Variants in MYH1 observed in about 807,000 individuals in gnomAD.
The protein encoded by MYH1 is myosin heavy chain 1.
Under a neutral mutation model 225.6 loss-of-function variants are expected in MYH1, and 214 were observed. That is an observed-to-expected ratio of 0.95 (90% CI 0.85 to 1.06). MYH1 has a LOEUF of 1.06. MYH1 is among the 50% of genes least tolerant of loss of function. The probability of loss-of-function intolerance (pLI) is 0.00; values close to 1 mark genes in which losing one functional copy is unlikely to be tolerated. For missense variants in MYH1, 2,098 were observed against 2,344.2 expected (o/e 0.89, Z 2.17); for synonymous variants, 774 against 842.3 (o/e 0.92, Z 1.40).
At chr17:10,513,292 G>T (rs989266822) in intron 9 of MYH1, among the ~76,000 whole-genome samples, 2 of 152,106 alleles carry the variant, frequency 1.3e-5, no homozygotes, top group Admixed American at 1.3e-4. Context: ...CAGTATTAAA[G>T]CTCAGACTAG....
At chr17:10,510,129 A>G (rs1036384015) in intron 14 of MYH1, among the ~76,000 whole-genome samples, 2 of 152,080 alleles carry the variant, frequency 1.3e-5, no homozygotes, top group South Asian at 2.1e-4. Flanking sequence ...AAACCTTCAC[A>G]TGGACCCCTG....
At chr17:10,494,303 A>G (rs747887626) in intron 39 of MYH1, 51 bp downstream of exon 39, 2 of 1,513,882 alleles carry the variant, frequency 1.3e-6, no homozygotes, top group African/African-American at 2.8e-5. Flanking sequence ...CTTTAACTAA[A>G]CTGGCCTGGT....
intron 2 of MYH1, 114 bp from the exon 3 acceptor site, chr17:10,516,796 T>A: frequency 1.2e-6 from 1 of 830,048 alleles, no homozygotes. Flanking sequence ...TTGCATTGGG[T>A]ATGACCACCT....
At chr17:10,500,451 C>T (rs184428769) in intron 28 of MYH1, among the ~76,000 whole-genome samples, 175 bp downstream of exon 28, 14 of 151,374 alleles carry the variant, frequency 9.2e-5, no homozygotes, top group South Asian at 2.1e-4. Flanking sequence ...ATATTTCTCT[C>T]GTATATATAT....
chr17:10,502,864 C>G lies in MYH1; in HGVS notation c.2985G>C (p.Lys995Asn). The G allele has an allele frequency of 6.2e-7, 1 of 1,614,012 alleles. No homozygotes were observed. The highest frequency in any genetic ancestry group is 8.5e-7 in the Non-Finnish European group (1 of 1,180,024). ...EMAGLDETIA[K>N]LTKEKKALQE... ...GGAGAGCCTTCTTCTCCTTGGTCAG[C>G]TTAGCAATGGTTTCATCCAGACCCG... The change falls in exon 24 of 40, where the codon AAG becomes AAC. Residue 995 changes from lysine to asparagine, a missense_variant. Lys to Asn is a moderately conservative substitution (Grantham distance 94). Transcript: ENST00000226207.
intron 9 of MYH1, 110 bp downstream of exon 9, chr17:10,513,516 G>A: frequency 9.5e-7 from 1 of 1,052,464 alleles, no homozygotes; most frequent in Non-Finnish European, 1.5e-6. Context: ...AAGCATGTTT[G>A]GCAGCAGACT....
intron 2 of MYH1, among the ~76,000 whole-genome samples, chr17:10,517,704 A>G (rs3760429): frequency 0.4 from 60,903 of 151,940 alleles, 14,274 homozygotes; most frequent in Non-Finnish European, 0.54. Context: ...GTGTGTGTAT[A>G]TATACATATG....
In MYH1 at chr17:10,500,665, C is replaced by A. The variant is rs1857365016; in HGVS notation, c.3826G>T (p.Asp1276Tyr). 6.2e-7 allele frequency: 1 copy of A among 1,613,982 alleles called. No individual in the cohort carries two copies. The highest frequency in any genetic ancestry group is 8.5e-7 in the Non-Finnish European group (1 of 1,180,036). ...KEEEQQRLIN[D>Y]LTAQRARLQT... ...AGGCGCGCTCTCTGTGCTGTGAGGT[C>A]ATTGATCAGCCGCTGCTGCTCCTCT... The change falls in exon 28 of 40, where the codon GAC (aspartate) becomes TAC (tyrosine). Residue 1276 changes from aspartate (D) to tyrosine (Y), a missense_variant. Asp to Tyr is a radical substitution (Grantham distance 160, BLOSUM62 -3). Coordinates refer to ENST00000226207, the MANE Select transcript of MYH1 (RefSeq NM_005963.4).
chr17:10,517,769 CATG>C (rs2073243718), intron 2 of MYH1, among the ~76,000 whole-genome samples: 2 of 152,032 alleles, frequency 1.3e-5, no homozygotes, highest in Non-Finnish European at 2.9e-5. Flanking sequence ...TGTGAAACAA[CATG>C]CAGTTAAGCA....
chr17:10,513,740 G>A, intron 8 of MYH1, 51 bp from the exon 9 acceptor site: 1 of 1,612,454 alleles, frequency 6.2e-7, no homozygotes, highest in Non-Finnish European at 8.5e-7. Flanking sequence ...GTACGTAGTG[G>A]GGATGCCACT....
intron 30 of MYH1, 44 bp from the exon 31 acceptor site, chr17:10,497,961 T>G: frequency 6.5e-7 from 1 of 1,547,708 alleles, no homozygotes; most frequent in South Asian, 1.3e-5. Context: ...TCAACTGAAT[T>G]GGGTGTTTCA....
chr17:10,492,361 C>G lies in MYH1; in HGVS notation c.*55G>C. 6.3e-7 allele frequency: 1 copy of G among 1,591,470 alleles called. No homozygotes were observed. The highest frequency in any genetic ancestry group is 1.1e-5 in the South Asian group (1 of 86,964). The stretch of plus-strand genomic sequence containing the variant: ...AAGTCATAAGTACAAAATGGAGTGA[C>G]AAAGATTTTCACATTTTGTGCATTT... On this transcript the variant is annotated 3_prime_UTR_variant, in exon 40 of 40. Coordinates refer to ENST00000226207, the MANE Select transcript of MYH1 (RefSeq NM_005963.4).
Position 10,512,759 on chromosome 17 carries a change from T to C in MYH1, c.930A>G (p.Pro310=). 6.2e-7 allele frequency: 1 copy of C among 1,614,096 alleles called. No individual in the cohort carries two copies. The highest frequency in any genetic ancestry group is 2.2e-5 in the East Asian group (1 of 44,872). The change falls in exon 11 of 40, where the codon CCA becomes CCG. Residue 310 remains proline, a synonymous_variant. Coordinates refer to ENST00000226207, the MANE Select transcript of MYH1 (RefSeq NM_005963.4). ...CTTGACTGACGAAGGCATAATCGTATGGGTTGGTGGTGATCAGGAGCATTT... is the reference window on the plus strand; with the variant it reads ...CTTGACTGACGAAGGCATAATCGTACGGGTTGGTGGTGATCAGGAGCATTT... ...LIEMLLITTN[P]YDYAFVSQGE...
chr17:10,509,339 T>C, intron 15 of MYH1, 146 bp downstream of exon 15: 1 of 1,284,268 alleles, frequency 7.8e-7, no homozygotes, highest in Non-Finnish European at 1.1e-6. Context: ...TACCAGAATA[T>C]CTACTTCAGA....
intron 14 of MYH1, among the ~76,000 whole-genome samples, chr17:10,510,180 AG>A (rs2073157611): frequency 6.6e-6 from 1 of 152,018 alleles, no homozygotes; most frequent in Non-Finnish European, 1.5e-5. Context: ...TGGTTTTTAT[AG>A]TATTTGTTTT....
At chr17:10,500,083 A>C (rs2073035933) in intron 28 of MYH1, among the ~76,000 whole-genome samples, 1 of 152,186 alleles carries the variant, frequency 6.6e-6, no homozygotes, top group Non-Finnish European at 1.5e-5. Context: ...CGTGTTAGTT[A>C]CCAGTAATTG....
At position 10,513,608 on chromosome 17, in the gene MYH1, G is replaced by T. The variant is rs746241009; in HGVS notation, c.805+18C>A. ...ATTTGTCATTCTTGGATTCTATTTA[G>T]GAGGTCCTGTTACTCACATGTTTCA... On this transcript the variant is annotated intron_variant, in intron 9 of 39. Coordinates refer to ENST00000226207, the MANE Select transcript of MYH1 (RefSeq NM_005963.4). 1 of 1,610,608 alleles carries T rather than the reference G, an allele frequency of 6.2e-7. No homozygotes were observed. The highest frequency in any genetic ancestry group is 2.2e-5 in the East Asian group (1 of 44,872).
At chr17:10,494,902 T>A in intron 37 of MYH1, 29 bp downstream of exon 37, 2 of 1,614,076 alleles carry the variant, frequency 1.2e-6, no homozygotes, top group Non-Finnish European at 1.7e-6. Flanking sequence ...TGGAATGAGA[T>A]AGAAATACAT....
chr17:10,509,463 G>T (rs1436296805), intron 15 of MYH1, 22 bp downstream of exon 15: 1 of 1,613,942 alleles, frequency 6.2e-7, no homozygotes, highest in Non-Finnish European at 8.5e-7. Flanking sequence ...TATGATCTGT[G>T]GTCTGCAAAA....
Sources: gnomAD v4.1 joint callset for allele counts (sites outside exome capture counted in the v4.1 genomes callset) on GRCh38, gnomAD v4.1.1 for gene constraint, MANE v1.5 for transcripts, NCBI Gene and HGNC (gene_info 2026-07-23, HGNC 2026-07-21) for gene names.